The following AUTS2 variants were observed in gnomAD, a reference collection of about 807,000 sequenced individuals.
The protein encoded by AUTS2 is activator of transcription and developmental regulator AUTS2.
In AUTS2, 17 loss-of-function variants were observed where a neutral mutation model predicts 112.4. The ratio of observed to expected loss-of-function variants is 0.15; its 90% CI spans 0.10 to 0.23. AUTS2 has a LOEUF of 0.23. Ranked by LOEUF, AUTS2 falls within the 10% of genes least tolerant of loss-of-function variation. The probability of loss-of-function intolerance (pLI) is 1.00; values close to 1 mark genes in which losing one functional copy is unlikely to be tolerated. For synonymous variants in AUTS2, 751 were observed against 702.7 expected (o/e 1.07, Z -1.09); for missense variants, 1,510 against 1,701.6 (o/e 0.89, Z 1.98).
chr7:70,488,832 T>G (rs1402869417), intron 5 of AUTS2, among the ~76,000 whole-genome samples: 1 of 152,188 alleles, frequency 6.6e-6, no homozygotes, highest in Non-Finnish European at 1.5e-5. Context: ...CCAGGGCTCT[T>G]AGAACCCTTT....
intron 1 of AUTS2, among the ~76,000 whole-genome samples, chr7:69,641,681 T>G (rs1794802787): frequency 6.6e-6 from 1 of 152,232 alleles, no homozygotes; most frequent in Non-Finnish European, 1.5e-5. Flanking sequence ...AAATATGATT[T>G]ACATTTCAAG....
chr7:70,602,540 T>C (rs1395744989), intron 5 of AUTS2, among the ~76,000 whole-genome samples: 3 of 152,356 alleles, frequency 2.0e-5, no homozygotes, highest in African/African-American at 7.2e-5. Context: ...TGTTTCATTG[T>C]AGTAACATAT....
intron 5 of AUTS2, among the ~76,000 whole-genome samples, chr7:70,607,101 G>A (rs1231677435): frequency 2.0e-5 from 3 of 152,070 alleles, no homozygotes; most frequent in Admixed American, 6.6e-5. Flanking sequence ...AGGCCCAGGG[G>A]CCCCACTGCA....
intron 2 of AUTS2, among the ~76,000 whole-genome samples, chr7:70,005,217 A>T (rs1799492452): frequency 2.6e-5 from 4 of 152,028 alleles, no homozygotes; most frequent in Admixed American, 2.6e-4. Flanking sequence ...TTTCTTATGG[A>T]ACGTTGATTG....
intron 4 of AUTS2, among the ~76,000 whole-genome samples, chr7:70,266,441 G>A (rs1246322259): frequency 6.6e-6 from 1 of 152,136 alleles, no homozygotes; most frequent in Non-Finnish European, 1.5e-5. Context: ...TCAGACAGTG[G>A]TGGGGTTGCA....
intron 4 of AUTS2, among the ~76,000 whole-genome samples, chr7:70,388,858 C>CT (rs201908650): frequency 3.3e-5 from 5 of 151,718 alleles, no homozygotes; most frequent in East Asian, 1.9e-4. Context: ...AAAATTAAAT[C>CT]TTTTTTTTTA....
intron 5 of AUTS2, among the ~76,000 whole-genome samples, chr7:70,698,175 G>T (rs1375257846): frequency 2.6e-5 from 4 of 152,130 alleles, no homozygotes; most frequent in African/African-American, 4.8e-5. Context: ...TTTCTGATTT[G>T]TGAAAGAAAA....
intron 4 of AUTS2, among the ~76,000 whole-genome samples, chr7:70,327,891 C>A (rs946574047): frequency 2.6e-5 from 4 of 152,142 alleles, no homozygotes; most frequent in African/African-American, 9.7e-5. Flanking sequence ...AGCAAAAATT[C>A]TTGGTACTTA....
At chr7:70,044,600 G>C (rs1274728469) in intron 2 of AUTS2, among the ~76,000 whole-genome samples, 1 of 152,168 alleles carries the variant, frequency 6.6e-6, no homozygotes, top group Non-Finnish European at 1.5e-5. Context: ...AGATTATAGG[G>C]TGGTAGGGTT....
intron 4 of AUTS2, among the ~76,000 whole-genome samples, chr7:70,379,117 A>T (rs904731052): frequency 6.6e-6 from 1 of 151,794 alleles, no homozygotes; most frequent in Non-Finnish European, 1.5e-5. Flanking sequence ...TCACTTTGGG[A>T]TAGGTACTGT....
intron 2 of AUTS2, among the ~76,000 whole-genome samples, chr7:70,107,955 G>T (rs1029363869): frequency 1.3e-5 from 2 of 151,124 alleles, no homozygotes; most frequent in African/African-American, 4.9e-5. Context: ...AGCTTGCAGT[G>T]AGCTGAGATT....
chr7:70,503,798 C>T (rs1302229880), intron 5 of AUTS2, among the ~76,000 whole-genome samples: 2 of 148,720 alleles, frequency 1.3e-5, no homozygotes, highest in South Asian at 4.2e-4. Context: ...AGATTACAGG[C>T]GTGAGCCTAC....
At chr7:70,486,346 C>G (rs1450417101) in intron 5 of AUTS2, among the ~76,000 whole-genome samples, 1 of 152,234 alleles carries the variant, frequency 6.6e-6, no homozygotes, top group East Asian at 1.9e-4. Flanking sequence ...ATAGCCCTGT[C>G]ACCTAGGGAC....
At chr7:70,526,571 C>T (rs1799847523) in intron 5 of AUTS2, among the ~76,000 whole-genome samples, 1 of 152,200 alleles carries the variant, frequency 6.6e-6, no homozygotes, top group African/African-American at 2.4e-5. Flanking sequence ...ACTCTGGAGG[C>T]TGAGACACGA....
At chr7:69,656,161 G>A (rs1179640838) in intron 1 of AUTS2, among the ~76,000 whole-genome samples, 1 of 152,166 alleles carries the variant, frequency 6.6e-6, no homozygotes, top group Non-Finnish European at 1.5e-5. Context: ...GGGCCTGTTG[G>A]CAAATGGCCC....
chr7:70,293,555 T>G (rs1356587499), intron 4 of AUTS2: 1 of 152,210 alleles, frequency 6.6e-6, no homozygotes, highest in Non-Finnish European at 1.5e-5. Flanking sequence ...ATGATTTCCA[T>G]GTGAAATAAA....
At chr7:70,578,151 C>T (rs1049466216) in intron 5 of AUTS2, among the ~76,000 whole-genome samples, 3 of 152,056 alleles carry the variant, frequency 2.0e-5, no homozygotes, top group Non-Finnish European at 4.4e-5. Flanking sequence ...TGTGTTTTGT[C>T]CTCAGTAGAT....
chr7:70,143,629 G>A (rs1314797936), intron 4 of AUTS2, among the ~76,000 whole-genome samples: 1 of 152,176 alleles, frequency 6.6e-6, no homozygotes, highest in Admixed American at 6.6e-5. Context: ...TGTCTAGTTT[G>A]CAGGATGAAT....
intron 1 of AUTS2, among the ~76,000 whole-genome samples, chr7:69,665,618 C>T (rs532374266): frequency 2.0e-5 from 3 of 152,272 alleles, no homozygotes; most frequent in East Asian, 1.9e-4. Context: ...TCTTCCCAGA[C>T]GGTGCTCTGT....
Sources: gnomAD v4.1 joint callset for allele counts (sites outside exome capture counted in the v4.1 genomes callset) on GRCh38, gnomAD v4.1.1 for gene constraint, MANE v1.5 for transcripts, NCBI Gene and HGNC (gene_info 2026-07-23, HGNC 2026-07-21) for gene names.